The following IREB2 variants were observed in gnomAD, a reference collection of about 807,000 sequenced individuals.
IREB2 encodes the protein iron-responsive element-binding protein 2.
IREB2 carries 39 observed loss-of-function variants against 118.8 expected under a neutral mutation model. The ratio of observed to expected loss-of-function variants is 0.33; its 90% CI spans 0.25 to 0.43. The LOEUF (loss-of-function observed/expected upper bound fraction) is 0.43. IREB2 is among the 20% of genes least tolerant of loss of function. The probability of loss-of-function intolerance (pLI) is 1.00; values close to 1 mark genes in which losing one functional copy is unlikely to be tolerated. For synonymous variants in IREB2, 372 were observed against 392.2 expected, an observed-to-expected ratio of 0.95 and a Z score of 0.61; for missense variants, 900 against 1,147.3, an observed-to-expected ratio of 0.78 and a Z score of 3.11.
At position 78,439,853 on chromosome 15, in the gene IREB2, C is replaced by T. The variant is rs150473761; in HGVS notation, c.78C>T (p.Phe26=). Residue 26 remains phenylalanine (F), a synonymous_variant, in exon 2 of 22, where the codon TTC becomes TTT. Transcript: ENST00000258886. ...ATGACAGTTCACATAAGAAGTTCTT[C>T]GATGTATCTAAACTTGGCACCAAGT... ...TLNDSSHKKF[F]DVSKLGTKYD... is the part of the protein sequence containing the mutation. The T allele has an allele frequency of 4.4e-4, 700 of 1,602,728 alleles. 2 individuals carry two copies. In the African/African-American group the frequency reaches 7.9e-3, roughly 18 times the overall value.
intron 2 of IREB2, among the ~76,000 whole-genome samples, chr15:78,459,884 T>A (rs1220882848): frequency 6.6e-6 from 1 of 152,188 alleles, no homozygotes; most frequent in East Asian, 1.9e-4. Context: ...ACATTCTAGA[T>A]TTGGCTGATA....
chr15:78,477,096 A>G (rs371752898), intron 9 of IREB2, among the ~76,000 whole-genome samples: 3 of 152,320 alleles, frequency 2.0e-5, no homozygotes, highest in African/African-American at 7.2e-5. Context: ...GAATGGTTAT[A>G]TAGAATCCTG....
intron 3 of IREB2, 36 bp from the exon 4 acceptor site, chr15:78,465,215 A>G (rs759059148): frequency 1.2e-5 from 19 of 1,562,198 alleles, no homozygotes; most frequent in South Asian, 7.1e-5. Context: ...ATAAAAAACA[A>G]TTTGGACTAT....
At chr15:78,466,516 A>G (rs1358520672) in intron 5 of IREB2, 27 bp downstream of exon 5, 3 of 1,441,840 alleles carry the variant, frequency 2.1e-6, no homozygotes. Context: ...CTTAAAGTTT[A>G]TTAATACCAG....
At chr15:78,488,801 T>C in intron 16 of IREB2, 30 bp downstream of exon 16, 1 of 1,288,912 alleles carries the variant, frequency 7.8e-7, no homozygotes, top group South Asian at 1.4e-5. Flanking sequence ...CTTAAATAGT[T>C]TAATCAATTT....
intron 21 of IREB2, 138 bp downstream of exon 21, chr15:78,497,449 A>G: frequency 3.0e-6 from 2 of 666,516 alleles, no homozygotes; most frequent in East Asian, 5.5e-5. Flanking sequence ...TCTCTCTTCC[A>G]TACTTAGATC....
chr15:78,462,852 C>A, intron 2 of IREB2, 70 bp from the exon 3 acceptor site: 1 of 1,213,412 alleles, frequency 8.2e-7, no homozygotes, highest in Non-Finnish European at 1.1e-6. Context: ...TAACTTTTTG[C>A]TATGGCATTT....
rs1241533924 is a variant in IREB2, at chr15:78,498,547, T to C, written c.*404T>C. ...TTGGTTTAAGAGTAGCAGATTGAAA[T>C]ATAAGAAGCCAGATTAGACTCTAAA... is the stretch of plus-strand genomic sequence containing the variant. On this transcript the variant is annotated 3_prime_UTR_variant, in exon 22 of 22. Coordinates refer to ENST00000258886, the MANE Select transcript of IREB2 (RefSeq NM_004136.4). 1 of 153,784 alleles carries C rather than the reference T, an allele frequency of 6.5e-6. No homozygotes were observed. Among genetic ancestry groups the C allele is most frequent in the Non-Finnish European group, 1.5e-5 (1 of 68,844 alleles). 9.5% of individuals were successfully genotyped at this position (153,784 alleles called of 1,614,324 possible).
At chr15:78,491,202 A>C (rs1232333679) in intron 18 of IREB2, among the ~76,000 whole-genome samples, 1 of 152,194 alleles carries the variant, frequency 6.6e-6, no homozygotes, top group Non-Finnish European at 1.5e-5. Context: ...TGATATGTAC[A>C]AATCAAAAGA....
chr15:78,494,374 C>A, intron 20 of IREB2, 110 bp downstream of exon 20: 1 of 1,111,154 alleles, frequency 9.0e-7, no homozygotes, highest in Non-Finnish European at 1.3e-6. Context: ...TTATTTGAAC[C>A]TTATAGGTAT....
intron 2 of IREB2, among the ~76,000 whole-genome samples, chr15:78,457,691 C>T (rs369116146): frequency 6.6e-6 from 1 of 152,204 alleles, no homozygotes; most frequent in East Asian, 1.9e-4. Context: ...CATTACCAGT[C>T]ATCCATCTAG....
rs974728754 is a variant in IREB2 at position 78,498,588 on chromosome 15, A to G, written c.*445A>G. On this transcript the variant is annotated 3_prime_UTR_variant, in exon 22 of 22. Transcript: ENST00000258886. ...AGACTCTAAAATTGTGGCCATTGGA[A>G]TCTCATTTATAAATGGACCTTTTAA... The G allele has an allele frequency of 1.3e-5, 2 of 153,230 alleles. No individual in the cohort carries two copies. Among genetic ancestry groups the G allele is most frequent in the Non-Finnish European group, 2.9e-5 (2 of 68,526 alleles). 9.5% of individuals were successfully genotyped at this position (153,230 alleles called of 1,614,324 possible). A position where few individuals can be genotyped will look rare whatever the true frequency, so the allele number is the denominator to read the frequency against.
At chr15:78,478,233 G>GA (rs1256385304) in intron 9 of IREB2, 64 bp from the exon 10 acceptor site, 3 of 1,141,266 alleles carry the variant, frequency 2.6e-6, no homozygotes, top group Admixed American at 1.8e-5. Context: ...AACCCTGTCT[G>GA]AAAAAAATAA....
chr15:78,468,666 G>A (rs1209013609), intron 5 of IREB2, among the ~76,000 whole-genome samples: 6 of 151,884 alleles, frequency 4.0e-5, no homozygotes, highest in Admixed American at 2.6e-4. Context: ...CAAATAATAC[G>A]TTAATTCCTT....
At chr15:78,451,907 C>T (rs1401477384) in intron 2 of IREB2, among the ~76,000 whole-genome samples, 1 of 152,162 alleles carries the variant, frequency 6.6e-6, no homozygotes, top group Non-Finnish European at 1.5e-5. Flanking sequence ...AGGTGATCCA[C>T]TCGCCTCAAC....
chr15:78,449,824 A>G (rs1595986420), intron 2 of IREB2, among the ~76,000 whole-genome samples: 1 of 152,008 alleles, frequency 6.6e-6, no homozygotes, highest in African/African-American at 2.4e-5. Flanking sequence ...GAGCCGAACC[A>G]CCTATTGGAT....
intron 2 of IREB2, among the ~76,000 whole-genome samples, chr15:78,449,818 C>T (rs1005343969): frequency 6.6e-6 from 1 of 151,968 alleles, no homozygotes; most frequent in Non-Finnish European, 1.5e-5. Flanking sequence ...TTTTCAGAGC[C>T]GAACCACCTA....
rs1365178586 is a variant in IREB2 at position 78,498,140 on chromosome 15, A to G, written c.2889A>G (p.Ser963=). ...GLLNFVARKF[S] ...TAAACTTTGTGGCACGAAAATTCTCATAGTATCTACTTACCATAGATACCT... is the reference window on the plus strand; with the variant it reads ...TAAACTTTGTGGCACGAAAATTCTCGTAGTATCTACTTACCATAGATACCT... The change falls in exon 22 of 22, where the codon TCA becomes TCG. Residue 963 remains serine, a synonymous_variant. Coordinates refer to ENST00000258886, the MANE Select transcript of IREB2 (RefSeq NM_004136.4). 1 of 1,547,328 alleles carries G rather than the reference A, an allele frequency of 6.5e-7. No homozygotes were observed. The highest frequency in any genetic ancestry group is 8.9e-7 in the Non-Finnish European group (1 of 1,119,110).
chr15:78,478,435 A>G, intron 10 of IREB2, 38 bp downstream of exon 10: 1 of 1,258,620 alleles, frequency 7.9e-7, no homozygotes, highest in Non-Finnish European at 1.2e-6. Context: ...CAAAGAGTGT[A>G]AATTGTGGTG....
Sources: gnomAD v4.1 joint callset for allele counts (sites outside exome capture counted in the v4.1 genomes callset) on GRCh38, gnomAD v4.1.1 for gene constraint, MANE v1.5 for transcripts, NCBI Gene and HGNC (gene_info 2026-07-23, HGNC 2026-07-21) for gene names.